Variants in DOCK3 observed in about 807,000 individuals in gnomAD.
DOCK3 encodes dedicator of cytokinesis 3.
A neutral mutation model predicts 265.6 loss-of-function variants in DOCK3; 60 were observed. The ratio of observed to expected loss-of-function variants is 0.23; its 90% CI spans 0.18 to 0.28. The LOEUF is 0.28. Ranked by LOEUF, DOCK3 falls within the 10% of genes least tolerant of loss-of-function variation. The pLI, the probability that DOCK3 is intolerant of heterozygous loss-of-function variation, is 1.00. For synonymous variants in DOCK3, 881 were observed against 938.0 expected (o/e 0.94, Z 1.11); for missense variants, 1,981 against 2,594.3 (o/e 0.76, Z 5.14).
At chr3:50,847,118 A>C (rs1450154316) in intron 3 of DOCK3, among the ~76,000 whole-genome samples, 2 of 152,050 alleles carry the variant, frequency 1.3e-5, no homozygotes, top group Non-Finnish European at 2.9e-5. Flanking sequence ...TTAGCATTAT[A>C]AACTTGCCTA....
chr3:51,101,278 G>A lies in DOCK3; in HGVS notation c.746+10894G>A, dbSNP rs1337865510. 5.3e-5 allele frequency among the ~76,000 whole-genome samples: 8 copies of A among 151,952 alleles called. No individual in the cohort carries two copies. In the South Asian group the frequency reaches 1.0e-3, roughly 20 times the overall value. On this transcript the variant is annotated intron_variant, in intron 9 of 52. Coordinates refer to ENST00000266037, the MANE Select transcript of DOCK3 (RefSeq NM_004947.5). ...TGGGACTACAGGCGCCCGCCACCGC[G>A]CCCGGCTAATTTTTTGTATTTTTAG... is the stretch of plus-strand genomic sequence containing the variant.
At chr3:50,742,359 G>A (rs551560978) in intron 1 of DOCK3, among the ~76,000 whole-genome samples, 3,444 of 152,276 alleles carry the variant, frequency 0.023, 156 homozygotes, top group African/African-American at 0.079. Flanking sequence ...TGACTTTGAC[G>A]AGTTGAGAGA....
intron 33 of DOCK3, among the ~76,000 whole-genome samples, chr3:51,332,426 TTTTGCTTGGGAGCATTCCCTGTGAC>T (rs2084585844): frequency 6.6e-6 from 1 of 152,182 alleles, no homozygotes; most frequent in African/African-American, 2.4e-5. Context: ...CTCTGGCACA[TTTTGCTTGGGAGCATTCCCTGTGAC>T]AGTAGGATGG....
At chr3:51,244,344 G>T (rs1003157539) in intron 21 of DOCK3, among the ~76,000 whole-genome samples, 2 of 151,766 alleles carry the variant, frequency 1.3e-5, no homozygotes, top group Non-Finnish European at 2.9e-5. Context: ...AATATAAGAC[G>T]TATTTCCATT....
intron 6 of DOCK3, among the ~76,000 whole-genome samples, chr3:51,068,336 C>T (rs2081685955): frequency 1.3e-5 from 2 of 151,778 alleles, no homozygotes; most frequent in African/African-American, 2.4e-5. Flanking sequence ...GTCAAGAGAT[C>T]GAGACCATCC....
chr3:51,229,143 G>C (rs1285707749), intron 18 of DOCK3, among the ~76,000 whole-genome samples: 1 of 152,112 alleles, frequency 6.6e-6, no homozygotes, highest in Admixed American at 6.5e-5. Flanking sequence ...TCTGGGCCTT[G>C]CTTGACCTTA....
chr3:51,013,975 C>T (rs192446071), intron 5 of DOCK3, among the ~76,000 whole-genome samples: 19 of 152,318 alleles, frequency 1.2e-4, no homozygotes, highest in African/African-American at 2.6e-4. Flanking sequence ...CTGAGCCATG[C>T]GCAGGATATA....
chr3:51,275,239 G>T (rs750112382), intron 25 of DOCK3, 33 bp downstream of exon 25: 2 of 1,612,552 alleles, frequency 1.2e-6, no homozygotes, highest in African/African-American at 2.7e-5. Context: ...ACCCTGTTCA[G>T]CTCTTCCCTA....
chr3:51,207,949 G>A (rs1298552953), intron 12 of DOCK3, among the ~76,000 whole-genome samples: 2 of 152,160 alleles, frequency 1.3e-5, no homozygotes, highest in Non-Finnish European at 1.5e-5. Flanking sequence ...GTTTTATCAA[G>A]GTGTCTGTAC....
At chr3:51,048,147 G>A (rs2080846982) in intron 5 of DOCK3, among the ~76,000 whole-genome samples, 1 of 150,568 alleles carries the variant, frequency 6.6e-6, no homozygotes, top group Admixed American at 6.7e-5. Context: ...CAATAGATGG[G>A]GGGAAAGCAT....
intron 4 of DOCK3, among the ~76,000 whole-genome samples, chr3:50,902,891 T>C (rs1310097277): frequency 1.3e-5 from 2 of 152,166 alleles, no homozygotes; most frequent in African/African-American, 4.8e-5. Flanking sequence ...CCTACACCTG[T>C]CTGGTTAGTG....
chr3:50,681,365 A>T (rs1311673131), intron 1 of DOCK3, among the ~76,000 whole-genome samples: 2 of 152,264 alleles, frequency 1.3e-5, no homozygotes, highest in East Asian at 1.9e-4. Flanking sequence ...TGAATTTTTT[A>T]AAATTTTTGT....
chr3:50,927,011 C>T (rs2050790615), intron 4 of DOCK3, among the ~76,000 whole-genome samples: 1 of 152,204 alleles, frequency 6.6e-6, no homozygotes, highest in Non-Finnish European at 1.5e-5. Flanking sequence ...CATTGAAGTT[C>T]TTACAAAGGC....
chr3:51,146,649 T>C lies in DOCK3; in HGVS notation c.828+19T>C, dbSNP rs1362435033. ...TTTTACAGTATGTACGAATTCTCTT[T>C]TTCTTCTTTGCTGTTGACTCTAACC... is the stretch of plus-strand genomic sequence containing the variant. On this transcript the variant is annotated intron_variant, in intron 10 of 52. Coordinates refer to ENST00000266037, the MANE Select transcript of DOCK3 (RefSeq NM_004947.5). The C allele has an allele frequency of 6.4e-7, 1 of 1,563,928 alleles. No individual in the cohort carries two copies. Among genetic ancestry groups the C allele is most frequent in the Admixed American group, 1.9e-5 (1 of 52,190 alleles).
rs1560419603 is a variant in DOCK3, at chr3:51,315,228, C to G, written c.3402+100C>G. ...AAGCCATGATTCTAGTGGGGATGGG[C>G]TGTAGTTTGGCTAATTTGAATCCTG... On this transcript the variant is annotated intron_variant, in intron 32 of 52. Coordinates refer to ENST00000266037, the MANE Select transcript of DOCK3 (RefSeq NM_004947.5). 7.3e-6 allele frequency: 10 copies of G among 1,377,304 alleles called. No homozygotes were observed. The East Asian group carries it at 2.1e-4, about 29-fold the overall frequency. The allele number at this position is 1,377,304 out of a possible 1,614,324, so 85.3% of individuals were successfully genotyped here.
intron 5 of DOCK3, among the ~76,000 whole-genome samples, chr3:50,974,724 C>T (rs2077372607): frequency 8.7e-6 from 1 of 115,400 alleles, no homozygotes; most frequent in Non-Finnish European, 1.9e-5. Context: ...TATAAATTAC[C>T]TTGGGCAGTA....
chr3:50,875,258 T>C (rs1434811877), intron 3 of DOCK3, among the ~76,000 whole-genome samples: 3 of 152,192 alleles, frequency 2.0e-5, no homozygotes, highest in African/African-American at 4.8e-5. Context: ...ATAATTTGGC[T>C]TTTAAAATTC....
At position 51,228,070 on chromosome 3, in the gene DOCK3, C is replaced by T. The variant is rs1307376612; in HGVS notation, c.1629C>T (p.His543=). 12 of 1,613,898 alleles carry T rather than the reference C, an allele frequency of 7.4e-6. No individual in the cohort carries two copies. Among genetic ancestry groups the T allele is most frequent in the East Asian group, 2.2e-5 (1 of 44,898 alleles). Residue 543 remains histidine (H), a synonymous_variant, in exon 17 of 53, where the codon CAC becomes CAT. Coordinates refer to ENST00000266037, the MANE Select transcript of DOCK3 (RefSeq NM_004947.5). ...DDGTTLSDDI[H]ELYVYKCDEN... ...GCACCACCCTCTCAGATGATATTCA[C>T]GAGCTTTATGTGTACAAGGTATGAA...
At chr3:51,312,946 C>T in intron 31 of DOCK3, 44 bp downstream of exon 31, 1 of 1,531,758 alleles carries the variant, frequency 6.5e-7, no homozygotes, top group Non-Finnish European at 8.9e-7. Context: ...TATTGCATAG[C>T]CAAATAGAAA....
Sources: allele counts gnomAD v4.1 joint callset (sites outside exome capture counted in the v4.1 genomes callset), GRCh38; gene constraint gnomAD v4.1.1; transcripts MANE v1.5; gene names NCBI Gene and HGNC (gene_info 2026-07-23, HGNC 2026-07-21).